Variants in ARPC1A observed in about 807,000 individuals in gnomAD.
The protein encoded by ARPC1A is actin related protein 2/3 complex subunit 1A.
Under a neutral mutation model 46.9 loss-of-function variants are expected in ARPC1A, and 8 were observed. The observed-to-expected ratio is 0.17, with a 90% CI of 0.10 to 0.31. The LOEUF is 0.31. ARPC1A is among the 10% of genes least tolerant of loss of function. ARPC1A has a pLI of 1.00. For missense variants in ARPC1A, 286 were observed against 483.6 expected (o/e 0.59, Z 3.83); for synonymous variants, 152 against 169.0 (o/e 0.90, Z 0.78).
chr7:99,335,478 C>G (rs1793230291), intron 2 of ARPC1A: 1 of 391,142 alleles, frequency 2.6e-6, no homozygotes, highest in Admixed American at 3.4e-5. Context: ...ATTACTATAG[C>G]TTGGTGGTAA....
intron 1 of ARPC1A, among the ~76,000 whole-genome samples, chr7:99,329,667 G>A (rs538740153): frequency 7.6e-4 from 116 of 152,258 alleles, no homozygotes; most frequent in Non-Finnish European, 1.2e-3. Context: ...TGAATGATAT[G>A]GCAAAATTAG....
intron 2 of ARPC1A, among the ~76,000 whole-genome samples, chr7:99,336,978 C>A (rs1180145034): frequency 6.7e-6 from 1 of 150,040 alleles, no homozygotes; most frequent in Admixed American, 6.6e-5. Flanking sequence ...AAATTAAATT[C>A]AATTAAAAAA....
intron 9 of ARPC1A, among the ~76,000 whole-genome samples, chr7:99,363,912 G>A (rs545004551): frequency 6.6e-6 from 1 of 152,160 alleles, no homozygotes; most frequent in East Asian, 1.9e-4. Context: ...CTAGTATACA[G>A]TTTAATGTCC....
chr7:99,359,500 C>A, intron 7 of ARPC1A, 45 bp from the exon 8 acceptor site: 2 of 1,589,290 alleles, frequency 1.3e-6, no homozygotes, highest in Non-Finnish European at 1.7e-6. Flanking sequence ...AGGAGGTGGG[C>A]GGTGGGCAGT....
intron 3 of ARPC1A, among the ~76,000 whole-genome samples, chr7:99,338,998 A>G (rs1349801839): frequency 6.6e-6 from 1 of 152,236 alleles, no homozygotes; most frequent in Admixed American, 6.6e-5. Context: ...TGAGAAGAAC[A>G]AAGTAATATA....
intron 7 of ARPC1A, 114 bp from the exon 8 acceptor site, chr7:99,359,431 G>A: frequency 1.0e-6 from 1 of 954,086 alleles, no homozygotes; most frequent in Non-Finnish European, 1.5e-6. Context: ...GCAAGACTCG[G>A]TCTCAAAAAA....
At chr7:99,350,604 A>G (rs1364558231) in intron 5 of ARPC1A, among the ~76,000 whole-genome samples, 1 of 128,558 alleles carries the variant, frequency 7.8e-6, no homozygotes, top group East Asian at 2.6e-4. Context: ...TGTGTTGACT[A>G]TATGGTAGGT....
intron 3 of ARPC1A, among the ~76,000 whole-genome samples, chr7:99,341,194 A>G (rs1055096383): frequency 6.6e-6 from 1 of 152,136 alleles, no homozygotes. Context: ...CTGTAATCCC[A>G]GCTACTCAGG....
chr7:99,365,736 G>T (rs1019898402), intron 9 of ARPC1A, among the ~76,000 whole-genome samples, 155 bp from the exon 10 acceptor site: 1 of 152,166 alleles, frequency 6.6e-6, no homozygotes, highest in Admixed American at 6.5e-5. Flanking sequence ...GTGTCTCTGC[G>T]GGGTGAGTCC....
Position 99,359,597 on chromosome 7 carries a change from C to A in ARPC1A, c.842C>A (p.Thr281Asn), listed in dbSNP as rs1793705052. The A allele has an allele frequency of 2.5e-6, 4 of 1,614,156 alleles. No individual in the cohort carries two copies. The East Asian group carries it at 8.9e-5, about 36-fold the overall frequency. ...LFNYDDRGCL[T>N]FVSKLDIPKQ... ...AACTACGATGACCGCGGCTGCCTGA[C>A]CTTCGTCTCCAAGTTAGATATTCCA... Residue 281 changes from threonine (T) to asparagine (N), a missense_variant, in exon 8 of 10, where the codon ACC (threonine) becomes AAC (asparagine). Coordinates refer to ENST00000262942, the MANE Select transcript of ARPC1A (RefSeq NM_006409.4).
intron 4 of ARPC1A, among the ~76,000 whole-genome samples, chr7:99,344,953 A>G (rs111714165): frequency 1.5e-5 from 1 of 68,844 alleles, no homozygotes; most frequent in Non-Finnish European, 2.3e-5. Flanking sequence ...TTTTTTTGAG[A>G]CAGAGTCTTA....
chr7:99,363,675 CTTT>C (rs756919545), intron 9 of ARPC1A, 42 bp downstream of exon 9: 961 of 1,098,446 alleles, frequency 8.7e-4, no homozygotes, highest in Middle Eastern at 2.1e-3. Context: ...TGTGTTAAAA[CTTT>C]TTTTTTTTTT....
At chr7:99,339,031 C>T (rs986305097) in intron 3 of ARPC1A, among the ~76,000 whole-genome samples, 7 of 152,136 alleles carry the variant, frequency 4.6e-5, no homozygotes, top group African/African-American at 1.4e-4. Flanking sequence ...ATCAGATAAT[C>T]GCCACCAGAA....
At chr7:99,340,354 G>T (rs1473268476) in intron 3 of ARPC1A, among the ~76,000 whole-genome samples, 1 of 152,130 alleles carries the variant, frequency 6.6e-6, no homozygotes, top group Non-Finnish European at 1.5e-5. Flanking sequence ...GTAGATGTGG[G>T]ATTTCACCAC....
chr7:99,334,571 A>T (rs930188460), intron 2 of ARPC1A, among the ~76,000 whole-genome samples: 10 of 152,114 alleles, frequency 6.6e-5, no homozygotes, highest in African/African-American at 2.4e-4. Flanking sequence ...TAGTCCTTTT[A>T]TGTAGGACTT....
intron 1 of ARPC1A, among the ~76,000 whole-genome samples, chr7:99,330,521 G>T (rs1793128475): frequency 6.6e-6 from 1 of 152,108 alleles, no homozygotes; most frequent in East Asian, 1.9e-4. Flanking sequence ...CGCCATGTTG[G>T]CCAGGCTGGT....
chr7:99,351,845 G>T (rs1381769018), intron 5 of ARPC1A, among the ~76,000 whole-genome samples: 1 of 152,128 alleles, frequency 6.6e-6, no homozygotes, highest in African/African-American at 2.4e-5. Context: ...GGCCCTAAAG[G>T]GTAGATTTCC....
At chr7:99,349,025 G>A in intron 5 of ARPC1A, 66 bp downstream of exon 5, 1 of 1,455,398 alleles carries the variant, frequency 6.9e-7, no homozygotes, top group Non-Finnish European at 9.6e-7. Context: ...AATAATTTTA[G>A]GTTCTCTTTC....
At chr7:99,336,901 T>C (rs1562796994) in intron 2 of ARPC1A, among the ~76,000 whole-genome samples, 1 of 151,974 alleles carries the variant, frequency 6.6e-6, no homozygotes, top group East Asian at 1.9e-4. Context: ...GCAGGAGAAT[T>C]GCTTGAGGCC....
Sources: allele counts gnomAD v4.1 joint callset (sites outside exome capture counted in the v4.1 genomes callset), GRCh38; gene constraint gnomAD v4.1.1; transcripts MANE v1.5; gene names NCBI Gene and HGNC (gene_info 2026-07-23, HGNC 2026-07-21).